The following RUNDC3B variants were observed in gnomAD, a reference collection of about 807,000 sequenced individuals.
RUNDC3B encodes the protein RUN domain containing 3B.
A neutral mutation model predicts 58.4 loss-of-function variants in RUNDC3B; 33 were observed. The ratio of observed to expected loss-of-function variants is 0.56; its 90% confidence interval spans 0.43 to 0.75. The LOEUF is 0.75. Ranked by LOEUF, RUNDC3B falls within the 30% of genes least tolerant of loss-of-function variation. The pLI, the probability that RUNDC3B is intolerant of heterozygous loss-of-function variation, is 0.00. For synonymous variants in RUNDC3B, 193 were observed against 195.2 expected, an observed-to-expected ratio of 0.99 and a Z score of 0.10; for missense variants, 501 against 535.7, an observed-to-expected ratio of 0.94 and a Z score of 0.64.
At chr7:87,653,019 G>A (rs1823737945) in intron 2 of RUNDC3B, among the ~76,000 whole-genome samples, 1 of 151,994 alleles carries the variant, frequency 6.6e-6, no homozygotes, top group African/African-American at 2.4e-5. Flanking sequence ...TGCTGATACA[G>A]GCAAAGTGAA....
intron 2 of RUNDC3B, among the ~76,000 whole-genome samples, chr7:87,670,581 G>T (rs1825725985): frequency 6.6e-6 from 1 of 152,188 alleles, no homozygotes; most frequent in Non-Finnish European, 1.5e-5. Flanking sequence ...TCTTGCATTG[G>T]TTCTTTCTCA....
intron 10 of RUNDC3B, among the ~76,000 whole-genome samples, chr7:87,822,880 G>A (rs1299904992): frequency 6.6e-6 from 1 of 152,058 alleles, no homozygotes; most frequent in Admixed American, 6.6e-5. Context: ...ACACTCCAGG[G>A]ACTGTTGTGG....
chr7:87,703,940 T>TTTTG (rs1829360784), intron 3 of RUNDC3B, among the ~76,000 whole-genome samples: 1 of 124,182 alleles, frequency 8.1e-6, no homozygotes, highest in Non-Finnish European at 1.7e-5. Flanking sequence ...TTTTTTTTTT[T>TTTTG]GAGACAGTCT....
At chr7:87,696,497 G>T (rs958270538) in intron 2 of RUNDC3B, among the ~76,000 whole-genome samples, 1 of 152,102 alleles carries the variant, frequency 6.6e-6, no homozygotes, top group Non-Finnish European at 1.5e-5. Flanking sequence ...AAACCTTTCT[G>T]TAGATGCAGA....
intron 1 of RUNDC3B, among the ~76,000 whole-genome samples, chr7:87,640,772 C>A (rs1282810180): frequency 6.6e-6 from 1 of 152,084 alleles, no homozygotes; most frequent in Admixed American, 6.5e-5. Context: ...TCTATTGACT[C>A]CTTTTCTAGT....
At chr7:87,670,172 T>TA (rs1825683710) in intron 2 of RUNDC3B, among the ~76,000 whole-genome samples, 1 of 152,244 alleles carries the variant, frequency 6.6e-6, no homozygotes, top group African/African-American at 2.4e-5. Context: ...TATTCCTTTT[T>TA]ATTCCTCTTT....
At chr7:87,645,373 C>G (rs1231985082) in intron 1 of RUNDC3B, among the ~76,000 whole-genome samples, 2 of 152,094 alleles carry the variant, frequency 1.3e-5, no homozygotes, top group Non-Finnish European at 2.9e-5. Flanking sequence ...GTTGAGCCAC[C>G]ACGCCTGGCC....
chr7:87,661,991 A>T (rs1057396956), intron 2 of RUNDC3B, among the ~76,000 whole-genome samples: 3 of 152,048 alleles, frequency 2.0e-5, no homozygotes, highest in African/African-American at 7.2e-5. Context: ...ATTTGCATTT[A>T]TCTGATGATC....
chr7:87,793,392 A>G (rs535616162), intron 8 of RUNDC3B, among the ~76,000 whole-genome samples: 55 of 152,264 alleles, frequency 3.6e-4, no homozygotes, highest in African/African-American at 1.3e-3. Context: ...CTACAGGCCA[A>G]TGTCTCTGAA....
chr7:87,769,003 C>T (rs1834124152), intron 6 of RUNDC3B, among the ~76,000 whole-genome samples: 1 of 151,640 alleles, frequency 6.6e-6, no homozygotes, highest in African/African-American at 2.4e-5. Context: ...TGTCCAACCA[C>T]CACCACTCCT....
intron 4 of RUNDC3B, among the ~76,000 whole-genome samples, chr7:87,739,514 C>T (rs748122465): frequency 3.3e-5 from 5 of 151,950 alleles, no homozygotes; most frequent in Non-Finnish European, 7.4e-5. Flanking sequence ...TTGAAAGACT[C>T]ACTTGGGGGT....
At chr7:87,788,342 A>T (rs555644761) in intron 8 of RUNDC3B, among the ~76,000 whole-genome samples, 1 of 152,228 alleles carries the variant, frequency 6.6e-6, no homozygotes, top group South Asian at 2.1e-4. Flanking sequence ...GCATAAGTGC[A>T]TTCCAGTCTG....
chr7:87,782,611 T>C (rs1392832261), intron 8 of RUNDC3B, among the ~76,000 whole-genome samples: 8 of 152,144 alleles, frequency 5.3e-5, no homozygotes, highest in African/African-American at 1.9e-4. Flanking sequence ...CATTTAGTGA[T>C]AAAAACTTTT....
chr7:87,759,398 A>C (rs1833552764), intron 6 of RUNDC3B, among the ~76,000 whole-genome samples: 2 of 152,142 alleles, frequency 1.3e-5, no homozygotes, highest in Admixed American at 1.3e-4. Context: ...AGAATGAATA[A>C]GATCTAGTAT....
At chr7:87,827,700 CTCAGTA>C (rs1433925054) in intron 10 of RUNDC3B, among the ~76,000 whole-genome samples, 2 of 152,078 alleles carry the variant, frequency 1.3e-5, no homozygotes, top group Non-Finnish European at 2.9e-5. Flanking sequence ...ACATACTATT[CTCAGTA>C]TAAGACAAAT....
intron 2 of RUNDC3B, among the ~76,000 whole-genome samples, chr7:87,698,413 A>G (rs1190212522): frequency 6.6e-6 from 1 of 152,182 alleles, no homozygotes; most frequent in Non-Finnish European, 1.5e-5. Context: ...ATTTTTAAAG[A>G]GACATTGAAT....
intron 2 of RUNDC3B, among the ~76,000 whole-genome samples, chr7:87,689,639 G>T (rs1183351827): frequency 6.6e-6 from 1 of 152,036 alleles, no homozygotes; most frequent in Non-Finnish European, 1.5e-5. Context: ...TTATAGAAGA[G>T]GGGAAAGATT....
intron 2 of RUNDC3B, among the ~76,000 whole-genome samples, chr7:87,671,630 C>T (rs534778221): frequency 6.6e-6 from 1 of 152,188 alleles, no homozygotes; most frequent in South Asian, 2.1e-4. Context: ...AGGCCTGTTG[C>T]TGGCCCAAAG....
intron 2 of RUNDC3B, among the ~76,000 whole-genome samples, chr7:87,692,239 C>T (rs1017849785): frequency 3.3e-5 from 5 of 152,000 alleles, no homozygotes; most frequent in African/African-American, 1.2e-4. Flanking sequence ...TCCATTGAGC[C>T]CAGGAGTTTG....
Sources: gnomAD v4.1 joint callset for allele counts (sites outside exome capture counted in the v4.1 genomes callset) on GRCh38, gnomAD v4.1.1 for gene constraint, MANE v1.5 for transcripts, NCBI Gene and HGNC (gene_info 2026-07-23, HGNC 2026-07-21) for gene names.